Variants in TMEM108 observed in about 807,000 individuals in gnomAD.
TMEM108 encodes the protein transmembrane protein 108.
A neutral mutation model predicts 35.1 loss-of-function variants in TMEM108; 12 were observed. The ratio of observed to expected loss-of-function variants is 0.34; its 90% CI spans 0.22 to 0.55. The LOEUF (loss-of-function observed/expected upper bound fraction) is 0.55. Among genes scored for constraint, TMEM108 ranks in the 20% least tolerant of loss-of-function variants. The pLI is 0.89. For synonymous variants in TMEM108, 287 were observed against 308.6 expected (o/e 0.93, Z 0.73); for missense variants, 680 against 753.3 (o/e 0.90, Z 1.14).
In TMEM108 at chr3:133,282,231, C is replaced by G. The variant is rs1946925206; in HGVS notation, c.40+52880C>G. Among the ~76,000 whole-genome samples, 2 of 152,204 alleles carry G rather than the reference C, an allele frequency of 1.3e-5. 1 individual carries two copies. Among genetic ancestry groups the G allele is most frequent in the South Asian group, 4.1e-4 (2 of 4,832 alleles). ...AGAAAAATTTTGATTTTGACTCCAG[C>G]TGAGTTTTCTTGGCCACAGGCCTTT... On this transcript the variant is annotated intron_variant, in intron 3 of 5. Coordinates refer to ENST00000321871, the MANE Select transcript of TMEM108 (RefSeq NM_023943.4).
chr3:133,261,755 A>G (rs532433151), intron 3 of TMEM108, among the ~76,000 whole-genome samples: 4 of 152,214 alleles, frequency 2.6e-5, no homozygotes, highest in Non-Finnish European at 5.9e-5. Flanking sequence ...CTTTCTTCAA[A>G]TGTCCTCACA....
At chr3:133,147,997 T>C (rs763986373) in intron 2 of TMEM108, among the ~76,000 whole-genome samples, 1 of 152,210 alleles carries the variant, frequency 6.6e-6, no homozygotes, top group Non-Finnish European at 1.5e-5. Flanking sequence ...AAGTTAGAAA[T>C]ATCAGTATGA....
chr3:133,095,380 T>C (rs1943999949), intron 2 of TMEM108, among the ~76,000 whole-genome samples: 1 of 152,200 alleles, frequency 6.6e-6, no homozygotes, highest in African/African-American at 2.4e-5. Flanking sequence ...CCCAGCCTTT[T>C]TGGCACCAGG....
intron 4 of TMEM108, chr3:133,387,243 T>G (rs1288444125): frequency 4.1e-6 from 4 of 985,352 alleles, no homozygotes; most frequent in Non-Finnish European, 4.8e-6. Flanking sequence ...CATGATCTCT[T>G]TAATTCTCAT....
At chr3:133,391,203 T>G (rs144985603) in intron 5 of TMEM108, among the ~76,000 whole-genome samples, 2 of 152,280 alleles carry the variant, frequency 1.3e-5, no homozygotes, top group East Asian at 3.9e-4. Context: ...ACCCTATATG[T>G]GATCAGCGAA....
intron 2 of TMEM108, among the ~76,000 whole-genome samples, chr3:133,202,474 G>A (rs944949473): frequency 6.6e-6 from 1 of 152,156 alleles, no homozygotes; most frequent in South Asian, 2.1e-4. Context: ...TTTGTATACG[G>A]TGTAAGGAAG....
At chr3:133,236,739 C>T (rs1946243127) in intron 3 of TMEM108, among the ~76,000 whole-genome samples, 1 of 152,104 alleles carries the variant, frequency 6.6e-6, no homozygotes, top group South Asian at 2.1e-4. Context: ...ACTTCTTAAA[C>T]TAGAAGGATC....
At chr3:133,272,376 GA>G (rs1946785423) in intron 3 of TMEM108, among the ~76,000 whole-genome samples, 1 of 151,462 alleles carries the variant, frequency 6.6e-6, no homozygotes, top group African/African-American at 2.4e-5. Flanking sequence ...TTGATGTACA[GA>G]AATCTCATAG....
chr3:133,167,765 G>A (rs999176830), intron 2 of TMEM108, among the ~76,000 whole-genome samples: 14 of 152,248 alleles, frequency 9.2e-5, no homozygotes, highest in East Asian at 1.9e-4. Flanking sequence ...GTTCCCACCC[G>A]CGCCTCTCCC....
intron 3 of TMEM108, among the ~76,000 whole-genome samples, chr3:133,277,831 G>A (rs1304101528): frequency 6.6e-6 from 1 of 152,152 alleles, no homozygotes; most frequent in Non-Finnish European, 1.5e-5. Context: ...ACCATGACTT[G>A]ATGGCTCCAG....
At chr3:133,160,233 G>A (rs890619898) in intron 2 of TMEM108, among the ~76,000 whole-genome samples, 1 of 152,186 alleles carries the variant, frequency 6.6e-6, no homozygotes, top group East Asian at 1.9e-4. Context: ...AGAAAGCGGC[G>A]CTGCTGCGAG....
At chr3:133,347,591 T>C (rs2107761471) in intron 3 of TMEM108, among the ~76,000 whole-genome samples, 1 of 152,204 alleles carries the variant, frequency 6.6e-6, no homozygotes, top group South Asian at 2.1e-4. Flanking sequence ...CAAACAAAGT[T>C]TTATTTATTC....
chr3:133,171,137 T>C lies in TMEM108; in HGVS notation c.-46-58129T>C, dbSNP rs574627320. The stretch of plus-strand genomic sequence containing the variant: ...ACCACCAGATAGATGGTGATGGTGA[T>C]GACTGGCTTTCTGTTAATCTGTGTA... On this transcript the variant is annotated intron_variant, in intron 2 of 5. Transcript: ENST00000321871. 2.6e-5 allele frequency among the ~76,000 whole-genome samples: 4 copies of C among 152,298 alleles called. No homozygotes were observed. In the East Asian group the frequency reaches 7.7e-4, roughly 29 times the overall value.
chr3:133,386,774 T>C, intron 4 of TMEM108: 1 of 1,088,174 alleles, frequency 9.2e-7, no homozygotes, highest in Non-Finnish European at 1.2e-6. Flanking sequence ...CTCTATACCC[T>C]CCGGTGTTCA....
At chr3:133,330,928 G>A (rs1218195026) in intron 3 of TMEM108, among the ~76,000 whole-genome samples, 3 of 152,034 alleles carry the variant, frequency 2.0e-5, no homozygotes, top group African/African-American at 4.8e-5. Context: ...AGAGAAAGAG[G>A]ATCAAATAAA....
intron 2 of TMEM108, among the ~76,000 whole-genome samples, chr3:133,222,575 T>C (rs1324949825): frequency 6.6e-6 from 1 of 152,074 alleles, no homozygotes; most frequent in African/African-American, 2.4e-5. Context: ...TTTTTATTAT[T>C]TTTTTCTCCT....
At chr3:133,040,877 G>T (rs1455462963) in intron 1 of TMEM108, among the ~76,000 whole-genome samples, 1 of 152,174 alleles carries the variant, frequency 6.6e-6, no homozygotes, top group Non-Finnish European at 1.5e-5. Context: ...CAGGGACGGG[G>T]AACATAGAGA....
intron 2 of TMEM108, among the ~76,000 whole-genome samples, chr3:133,055,198 G>A (rs1039911826): frequency 4.6e-5 from 7 of 152,128 alleles, no homozygotes; most frequent in Non-Finnish European, 7.4e-5. Context: ...TGTTTCTTCT[G>A]AACAGGAAGA....
At chr3:133,165,873 A>T (rs961009337) in intron 2 of TMEM108, among the ~76,000 whole-genome samples, 3 of 152,224 alleles carry the variant, frequency 2.0e-5, no homozygotes, top group African/African-American at 7.2e-5. Flanking sequence ...TTTGGGGTGG[A>T]CACTTAACAT....
Sources: allele counts gnomAD v4.1 joint callset (sites outside exome capture counted in the v4.1 genomes callset), GRCh38; gene constraint gnomAD v4.1.1; transcripts MANE v1.5; gene names NCBI Gene and HGNC (gene_info 2026-07-23, HGNC 2026-07-21).